The following PPP3CB variants were observed in gnomAD, a reference collection of about 807,000 sequenced individuals.
PPP3CB encodes serine/threonine-protein phosphatase 2B catalytic subunit beta isoform.
PPP3CB carries 8 observed loss-of-function variants against 66.4 expected under a neutral mutation model. The observed-to-expected ratio is 0.12, with a 90% CI of 0.07 to 0.22. The LOEUF (loss-of-function observed/expected upper bound fraction) is 0.22. Ranked by LOEUF, PPP3CB falls within the 10% of genes least tolerant of loss-of-function variation. The probability of loss-of-function intolerance (pLI) is 1.00; values close to 1 mark genes in which losing one functional copy is unlikely to be tolerated. For synonymous variants in PPP3CB, 208 were observed against 221.2 expected (o/e 0.94, Z 0.53); for missense variants, 319 against 642.5 (o/e 0.50, Z 5.44).
chr10:73,444,463 T>G (rs1432805367), intron 12 of PPP3CB: 1 of 971,518 alleles, frequency 1.0e-6, no homozygotes, highest in Non-Finnish European at 1.5e-6. Flanking sequence ...CATTATGATA[T>G]GAGCTGCTCC....
intron 12 of PPP3CB, among the ~76,000 whole-genome samples, chr10:73,442,271 T>G (rs2056161928): frequency 6.6e-6 from 1 of 152,182 alleles, no homozygotes; most frequent in South Asian, 2.1e-4. Context: ...AGCTGCTGTC[T>G]TTCAAACCTC....
In PPP3CB at chr10:73,444,816, C is replaced by T. The variant is rs1394690327; in HGVS notation, c.1275G>A (p.Glu425=). Residue 425 remains glutamate (E), a synonymous_variant, in exon 12 of 14, where the codon GAG becomes GAA. Transcript: ENST00000360663. ...MARVFSVLRE[E]SESVLTLKGL... ...CCTTGAGTGTCAGCACACTTTCACT[C>T]TCCTCCCTATAGCAGAGAGATATAA... is the stretch of plus-strand genomic sequence containing the variant. The T allele has an allele frequency of 1.2e-6, 2 of 1,612,984 alleles. No homozygotes were observed. The highest frequency in any genetic ancestry group is 1.7e-6 in the Non-Finnish European group (2 of 1,179,990).
At chr10:73,446,213 C>T (rs2056250156) in intron 11 of PPP3CB, among the ~76,000 whole-genome samples, 1 of 151,372 alleles carries the variant, frequency 6.6e-6, no homozygotes. Context: ...AATTCTTGTG[C>T]CTCAGCTTCC....
intron 1 of PPP3CB, among the ~76,000 whole-genome samples, chr10:73,479,797 A>AT (rs911421628): frequency 1.3e-5 from 2 of 152,230 alleles, no homozygotes; most frequent in Admixed American, 1.3e-4. Context: ...AAGCCAAAAC[A>AT]TTTTTAGGCA....
At chr10:73,467,365 A>G (rs112525855) in intron 9 of PPP3CB, 188 bp downstream of exon 9, 20 of 364,648 alleles carry the variant, frequency 5.5e-5, no homozygotes, top group African/African-American at 3.8e-4. Flanking sequence ...ACAGCCTCAC[A>G]TGGGGGCTGT....
intron 9 of PPP3CB, 92 bp downstream of exon 9, chr10:73,467,461 T>C (rs1199615846): frequency 4.9e-6 from 5 of 1,026,048 alleles, no homozygotes; most frequent in Non-Finnish European, 6.6e-6. Context: ...AACTAGACTT[T>C]GGTTTCCTTT....
At chr10:73,490,688 T>G (rs1371252550) in intron 1 of PPP3CB, among the ~76,000 whole-genome samples, 1 of 152,202 alleles carries the variant, frequency 6.6e-6, no homozygotes, top group East Asian at 1.9e-4. Flanking sequence ...TATTTCCAAC[T>G]TGGCATTTTC....
At chr10:73,457,376 C>T (rs1437570615) in intron 9 of PPP3CB, among the ~76,000 whole-genome samples, 1 of 147,998 alleles carries the variant, frequency 6.8e-6, no homozygotes, top group African/African-American at 2.5e-5. Context: ...TTTGAGATTG[C>T]AGTGAGTTAC....
At chr10:73,484,698 A>G (rs2056943508) in intron 1 of PPP3CB, among the ~76,000 whole-genome samples, 1 of 152,216 alleles carries the variant, frequency 6.6e-6, no homozygotes, top group Admixed American at 6.5e-5. Flanking sequence ...ATGTATATAA[A>G]TGCAATATAA....
At chr10:73,469,591 GA>G (rs2056672258) in intron 8 of PPP3CB, among the ~76,000 whole-genome samples, 1 of 152,126 alleles carries the variant, frequency 6.6e-6, no homozygotes, top group South Asian at 2.1e-4. Flanking sequence ...TCTCAAAAAT[GA>G]AGTCATATTT....
At chr10:73,491,654 G>GA (rs2057079668) in intron 1 of PPP3CB, among the ~76,000 whole-genome samples, 2 of 152,084 alleles carry the variant, frequency 1.3e-5, no homozygotes, top group Non-Finnish European at 2.9e-5. Flanking sequence ...GTCACACCAA[G>GA]GCTATATGGG....
intron 9 of PPP3CB, among the ~76,000 whole-genome samples, chr10:73,455,492 G>A (rs769459051): frequency 6.6e-6 from 1 of 152,024 alleles, no homozygotes; most frequent in Non-Finnish European, 1.5e-5. Flanking sequence ...TTATCACCTC[G>A]TTGAAGATGA....
intron 10 of PPP3CB, among the ~76,000 whole-genome samples, chr10:73,452,081 AC>A (rs1189766762): frequency 6.6e-6 from 1 of 151,444 alleles, no homozygotes; most frequent in Non-Finnish European, 1.5e-5. Context: ...AATTTAAAAA[AC>A]CTCCCTAGAT....
chr10:73,458,046 C>A (rs2056458812), intron 9 of PPP3CB, among the ~76,000 whole-genome samples: 2 of 152,168 alleles, frequency 1.3e-5, no homozygotes, highest in Non-Finnish European at 2.9e-5. Flanking sequence ...GTGATAGATA[C>A]ACTAAAAGCC....
At chr10:73,469,826 C>T (rs1052648260) in intron 8 of PPP3CB, among the ~76,000 whole-genome samples, 6 of 152,190 alleles carry the variant, frequency 3.9e-5, no homozygotes, top group Non-Finnish European at 8.8e-5. Flanking sequence ...ACCTTCTGTT[C>T]TTTCCTCTTG....
intron 1 of PPP3CB, among the ~76,000 whole-genome samples, chr10:73,494,165 T>C (rs932453076): frequency 1.3e-5 from 2 of 152,186 alleles, no homozygotes; most frequent in African/African-American, 4.8e-5. Context: ...ATTACTATTT[T>C]TTTTTTAAGA....
Position 73,438,020 on chromosome 10 carries a change from C to G in PPP3CB, c.*222G>C. The G allele has an allele frequency of 2.4e-6, 1 of 421,610 alleles. No individual in the cohort carries two copies. The highest frequency in any genetic ancestry group is 4.1e-6 in the Non-Finnish European group (1 of 241,656). 26.1% of individuals were successfully genotyped at this position (421,610 alleles called of 1,614,324 possible). ...ACTGGAAATTGCCCCAAGCCCCTTGCTCACTGCTCTCCACCTTGGCAGCGA... is the reference window on the plus strand; with the variant it reads ...ACTGGAAATTGCCCCAAGCCCCTTGGTCACTGCTCTCCACCTTGGCAGCGA... On this transcript the variant is annotated 3_prime_UTR_variant, in exon 14 of 14. Transcript: ENST00000360663.
chr10:73,482,606 T>C (rs1053041252), intron 1 of PPP3CB, among the ~76,000 whole-genome samples: 1 of 149,714 alleles, frequency 6.7e-6, no homozygotes, highest in African/African-American at 2.5e-5. Context: ...TTCTACATGA[T>C]GAATATTTCC....
chr10:73,441,288 T>A (rs1047085529), intron 12 of PPP3CB, among the ~76,000 whole-genome samples: 1 of 152,118 alleles, frequency 6.6e-6, no homozygotes, highest in African/African-American at 2.4e-5. Context: ...AAGAGTTAAT[T>A]TTCCTTAACT....
Sources: gnomAD v4.1 joint callset for allele counts (sites outside exome capture counted in the v4.1 genomes callset) on GRCh38, gnomAD v4.1.1 for gene constraint, MANE v1.5 for transcripts, NCBI Gene and HGNC (gene_info 2026-07-23, HGNC 2026-07-21) for gene names.